Variants in SLC4A4 observed in about 807,000 individuals in gnomAD.
SLC4A4 encodes electrogenic sodium bicarbonate cotransporter 1.
In SLC4A4, 27 loss-of-function variants were observed where a neutral mutation model predicts 111.5. The observed-to-expected ratio is 0.24, with a 90% CI of 0.18 to 0.33. The LOEUF is 0.33. Among genes scored for constraint, SLC4A4 ranks in the 10% least tolerant of loss-of-function variants. The pLI is 1.00. For synonymous variants in SLC4A4, 443 were observed against 463.4 expected, an observed-to-expected ratio of 0.96 and a Z score of 0.57; for missense variants, 909 against 1,315.5, an observed-to-expected ratio of 0.69 and a Z score of 4.78.
rs1361666125 is a variant in SLC4A4, at chr4:71,424,434, G to A, written c.808-16182G>A. 6.7e-5 allele frequency among the ~76,000 whole-genome samples: 10 copies of A among 150,216 alleles called. No individual in the cohort carries two copies. In the South Asian group the frequency reaches 1.5e-3, roughly 23 times the overall value. The stretch of plus-strand genomic sequence containing the variant: ...CAACCATTGTGGAAGTCAGTGTGGC[G>A]ATTCCTCAGGGATCTAGAACTAGAA... On this transcript the variant is annotated intron_variant, in intron 7 of 25. Coordinates refer to ENST00000264485, the MANE Select transcript of SLC4A4 (RefSeq NM_001098484.3).
At chr4:71,271,899 A>G (rs983008895) in intron 3 of SLC4A4, among the ~76,000 whole-genome samples, 3 of 152,192 alleles carry the variant, frequency 2.0e-5, no homozygotes, top group African/African-American at 7.2e-5. Flanking sequence ...GATCACAACT[A>G]TCTTTTAAAG....
chr4:71,086,194 G>T (rs1218119970), intron 1 of SLC4A4, among the ~76,000 whole-genome samples: 2 of 151,510 alleles, frequency 1.3e-5, no homozygotes, highest in Non-Finnish European at 2.9e-5. Context: ...CTCATGATTT[G>T]GCTCTCTGTT....
At position 71,153,318 on chromosome 4, in the gene SLC4A4, T is replaced by C. The variant is rs528252362; in HGVS notation, c.-2+60526T>C. On this transcript the variant is annotated intron_variant, in intron 2 of 26. Coordinates refer to the SLC4A4 transcript ENST00000649996. ...GTCTGCCTTTCCCAGCCCACTGACT[T>C]GAATGTTAATCTCCTTTGGCAACAC... Among the ~76,000 whole-genome samples, 4 of 152,146 alleles carry C rather than the reference T, an allele frequency of 2.6e-5. No homozygotes were observed. In the South Asian group the frequency reaches 8.3e-4, roughly 32 times the overall value.
intron 1 of SLC4A4, among the ~76,000 whole-genome samples, chr4:71,216,107 C>T (rs560326255): frequency 7.1e-4 from 108 of 152,014 alleles, no homozygotes; most frequent in Non-Finnish European, 1.2e-3. Flanking sequence ...CGGGGTTTCA[C>T]CATGTTGGCC....
At chr4:71,283,519 C>G (rs1723687385) in intron 3 of SLC4A4, among the ~76,000 whole-genome samples, 1 of 152,156 alleles carries the variant, frequency 6.6e-6, no homozygotes, top group Admixed American at 6.5e-5. Context: ...CCACTCTTCT[C>G]TAATATGTGC....
At chr4:71,337,396 G>A (rs1728516469) in intron 3 of SLC4A4, among the ~76,000 whole-genome samples, 1 of 151,824 alleles carries the variant, frequency 6.6e-6, no homozygotes, top group Non-Finnish European at 1.5e-5. Context: ...AATTTTATAT[G>A]GTATACATGT....
At chr4:71,444,042 G>T (rs1396752745) in intron 8 of SLC4A4, among the ~76,000 whole-genome samples, 6 of 152,100 alleles carry the variant, frequency 3.9e-5, no homozygotes, top group Non-Finnish European at 8.8e-5. Flanking sequence ...ATGAATAATG[G>T]GTTATTGAAT....
chr4:71,245,403 A>G (rs1720582809), intron 2 of SLC4A4, among the ~76,000 whole-genome samples: 1 of 152,164 alleles, frequency 6.6e-6, no homozygotes, highest in Non-Finnish European at 1.5e-5. Flanking sequence ...GGCTGTTGCC[A>G]AGATTCAACT....
At chr4:71,488,362 G>C (rs906397367) in intron 15 of SLC4A4, among the ~76,000 whole-genome samples, 22 of 151,284 alleles carry the variant, frequency 1.5e-4, no homozygotes, top group African/African-American at 5.3e-4. Context: ...CAATTGATAT[G>C]TATTAAAACA....
chr4:71,266,074 A>G (rs184066695), intron 3 of SLC4A4, among the ~76,000 whole-genome samples: 2 of 152,216 alleles, frequency 1.3e-5, no homozygotes, highest in African/African-American at 4.8e-5. Flanking sequence ...ACTAAGGTCC[A>G]GCTTTAACAA....
intron 3 of SLC4A4, among the ~76,000 whole-genome samples, chr4:71,338,493 A>G (rs759268023): frequency 1.0e-4 from 15 of 150,696 alleles, no homozygotes; most frequent in Non-Finnish European, 1.9e-4. Flanking sequence ...TCAATTTCCA[A>G]CTGCTTTTCT....
At position 71,156,600 on chromosome 4, in the gene SLC4A4, A is replaced by G. The variant is rs1469704226; in HGVS notation, c.-2+63808A>G. On this transcript the variant is annotated intron_variant, in intron 2 of 26. Transcript: ENST00000649996. ...CGCGCGCGCGCGCGCACACACACAC[A>G]CACACACACACACATACACATTGTG... Among the ~76,000 whole-genome samples, 8 of 151,178 alleles carry G rather than the reference A, an allele frequency of 5.3e-5. No homozygotes were observed. The South Asian group carries it at 6.3e-4, about 12-fold the overall frequency.
chr4:71,134,205 A>C (rs1560736916), intron 2 of SLC4A4, among the ~76,000 whole-genome samples: 1 of 152,376 alleles, frequency 6.6e-6, no homozygotes, highest in South Asian at 2.1e-4. Context: ...TTTTCAAGAT[A>C]AAACACAAGG....
intron 6 of SLC4A4, among the ~76,000 whole-genome samples, chr4:71,376,023 C>A (rs1483839281): frequency 6.7e-6 from 1 of 149,918 alleles, no homozygotes; most frequent in Non-Finnish European, 1.5e-5. Context: ...TGTAATTCAA[C>A]CAAAACTACA....
At chr4:71,083,713 T>A (rs1742060943) in intron 1 of SLC4A4, among the ~76,000 whole-genome samples, 1 of 151,566 alleles carries the variant, frequency 6.6e-6, no homozygotes, top group African/African-American at 2.4e-5. Context: ...GGTAAGACAA[T>A]CCATGCTTGA....
chr4:71,552,559 C>T (rs1736101126), intron 20 of SLC4A4, among the ~76,000 whole-genome samples: 1 of 151,880 alleles, frequency 6.6e-6, no homozygotes, highest in Non-Finnish European at 1.5e-5. Flanking sequence ...AAGAGTAGAA[C>T]TGCATTCACC....
At chr4:71,442,430 A>G (rs1418458839) in intron 8 of SLC4A4, among the ~76,000 whole-genome samples, 1 of 152,094 alleles carries the variant, frequency 6.6e-6, no homozygotes, top group Non-Finnish European at 1.5e-5. Flanking sequence ...GCATGTTAAC[A>G]TTTTTCCAGG....
At chr4:71,155,843 C>T (rs1375376429) in intron 2 of SLC4A4, among the ~76,000 whole-genome samples, 1 of 152,130 alleles carries the variant, frequency 6.6e-6, no homozygotes. Flanking sequence ...TGGGGGCACT[C>T]TTAAGTGCAT....
At chr4:71,497,402 A>G (rs1730510377) in intron 15 of SLC4A4, 99 bp from the exon 16 acceptor site, 4 of 995,320 alleles carry the variant, frequency 4.0e-6, no homozygotes, top group Non-Finnish European at 6.2e-6. Flanking sequence ...ACTGTTTTAC[A>G]GAAACTTTTG....
Sources: gnomAD v4.1 joint callset for allele counts (sites outside exome capture counted in the v4.1 genomes callset) on GRCh38, gnomAD v4.1.1 for gene constraint, MANE v1.5 for transcripts, NCBI Gene and HGNC (gene_info 2026-07-23, HGNC 2026-07-21) for gene names.